CERS6: variants seen among roughly 807,000 people sequenced by gnomAD.
CERS6 encodes LAG1 homolog, ceramide synthase 6.
Under a neutral mutation model 56.8 loss-of-function variants are expected in CERS6, and 26 were observed. That is an observed-to-expected ratio of 0.46 (90% confidence interval 0.34 to 0.63). The LOEUF (loss-of-function observed/expected upper bound fraction) is 0.63, where lower values mean the gene tolerates loss of function less well. CERS6 is among the 30% of genes least tolerant of loss of function. The probability of loss-of-function intolerance (pLI) is 0.01; values close to 1 mark genes in which losing one functional copy is unlikely to be tolerated. For missense variants in CERS6, 415 were observed against 467.5 expected (o/e 0.89, Z 1.04); for synonymous variants, 164 against 173.3 (o/e 0.95, Z 0.42).
chr2:168,512,434 A>T (rs1694804989), intron 1 of CERS6, among the ~76,000 whole-genome samples: 1 of 152,032 alleles, frequency 6.6e-6, no homozygotes, highest in African/African-American at 2.4e-5. Context: ...TTTTAAAACC[A>T]CTTCATCATC....
rs1683702542 is a variant in CERS6 at position 168,735,907 on chromosome 2, G to GAA, written c.845+17931_845+17932dup. 2.8e-5 allele frequency among the ~76,000 whole-genome samples: 4 copies of GAA among 144,644 alleles called. No homozygotes were observed. The South Asian group carries it at 8.9e-4, about 32-fold the overall frequency. The allele number at this position is 144,644 out of a possible 152,430, so 94.9% of individuals were successfully genotyped here. A position where few individuals can be genotyped will look rare whatever the true frequency, so the allele number is the denominator to read the frequency against. ...AAAAAAAAAAAAAAAAAGAAAGAAA[G>GAA]AAATATTTTTCTAGGCAGCTGAGTG... On this transcript the variant is annotated intron_variant, in intron 8 of 9. Coordinates refer to ENST00000305747, the MANE Select transcript of CERS6 (RefSeq NM_203463.3).
intron 1 of CERS6, among the ~76,000 whole-genome samples, chr2:168,530,458 C>T (rs531587333): frequency 7.2e-5 from 11 of 152,252 alleles, no homozygotes; most frequent in African/African-American, 2.4e-4. Context: ...AAGACTTTCT[C>T]GACAAGGGTA....
intron 1 of CERS6, 65 bp from the exon 2 acceptor site, chr2:168,547,531 G>T: frequency 1.2e-6 from 1 of 828,434 alleles, no homozygotes; most frequent in Non-Finnish European, 1.9e-6. Flanking sequence ...GTAACTGGTG[G>T]CATTAAGAAT....
At chr2:168,509,183 T>G (rs1694733450) in intron 1 of CERS6, among the ~76,000 whole-genome samples, 1 of 152,220 alleles carries the variant, frequency 6.6e-6, no homozygotes, top group Non-Finnish European at 1.5e-5. Context: ...GACCAAATAC[T>G]CCATTTATTG....
chr2:168,576,629 A>G (rs950366008), intron 3 of CERS6, among the ~76,000 whole-genome samples: 4 of 152,220 alleles, frequency 2.6e-5, no homozygotes, highest in African/African-American at 9.6e-5. Context: ...GAAGAATAGT[A>G]TAAAGAAATC....
At chr2:168,593,074 G>A (rs1370210782) in intron 3 of CERS6, among the ~76,000 whole-genome samples, 1 of 152,124 alleles carries the variant, frequency 6.6e-6, no homozygotes, top group African/African-American at 2.4e-5. Flanking sequence ...TTGAAAGCTA[G>A]CAGCATAACA....
intron 3 of CERS6, among the ~76,000 whole-genome samples, chr2:168,614,593 C>G (rs1684270522): frequency 1.3e-5 from 2 of 152,102 alleles, no homozygotes; most frequent in Admixed American, 6.5e-5. Flanking sequence ...CCTGTAATTG[C>G]TGGCTTTCCC....
chr2:168,677,169 T>C (rs1255744155), intron 4 of CERS6, among the ~76,000 whole-genome samples: 3 of 151,952 alleles, frequency 2.0e-5, no homozygotes, highest in African/African-American at 7.3e-5. Flanking sequence ...TCCCTCCCCT[T>C]CTCCCCCACC....
At chr2:168,679,740 C>T (rs1163115850) in intron 4 of CERS6, among the ~76,000 whole-genome samples, 1 of 152,150 alleles carries the variant, frequency 6.6e-6, no homozygotes, top group Non-Finnish European at 1.5e-5. Flanking sequence ...ATGAGGTTTA[C>T]GATGAGCATC....
intron 8 of CERS6, among the ~76,000 whole-genome samples, chr2:168,755,952 A>G (rs1335602530): frequency 6.6e-6 from 1 of 152,196 alleles, no homozygotes; most frequent in African/African-American, 2.4e-5. Flanking sequence ...AAAACATACC[A>G]TTGAAATCTC....
At chr2:168,660,847 TG>T (rs1371258008) in intron 4 of CERS6, among the ~76,000 whole-genome samples, 1 of 152,232 alleles carries the variant, frequency 6.6e-6, no homozygotes. Context: ...AGAAAATATT[TG>T]GCCCAGAAGC....
In CERS6 at chr2:168,639,681, G is replaced by A. The variant is rs551058169; in HGVS notation, c.465+8639G>A. On this transcript the variant is annotated intron_variant, in intron 4 of 9. Coordinates refer to ENST00000305747, the MANE Select transcript of CERS6 (RefSeq NM_203463.3). ...TCTTGTCTGGGTGTGTTTGGGATGG[G>A]GGTGGGGTGCTTAGGACAAGTACTT... Among the ~76,000 whole-genome samples the A allele has an allele frequency of 1.2e-4, 19 of 152,080 alleles. 1 individual carries two copies. The highest frequency in any genetic ancestry group is 1.2e-3 in the Admixed American group (18 of 15,270).
In CERS6 at chr2:168,630,960, C is replaced by CA. The variant is rs770152217; in HGVS notation, c.408-24dup. The CA allele has an allele frequency of 9.6e-6, 12 of 1,246,810 alleles. No homozygotes were observed. In the East Asian group the frequency reaches 3.0e-4, roughly 31 times the overall value. The allele number at this position is 1,246,810 out of a possible 1,614,324, so 77.2% of individuals were successfully genotyped here. A position where few individuals can be genotyped will look rare whatever the true frequency, so the allele number is the denominator to read the frequency against. On this transcript the variant is annotated intron_variant, in intron 3 of 9. Transcript: ENST00000305747. ...CTGTGAATATATAAACTGAATGTCA[C>CA]AGATTTTTTTTTAACCTTCTACAGG...
chr2:168,630,301 TACAC>T (rs3066962), intron 3 of CERS6, among the ~76,000 whole-genome samples: 98,349 of 139,950 alleles, frequency 0.7, 33,377 homozygotes, highest in Non-Finnish European at 0.78. Flanking sequence ...GTAATAAGTA[TACAC>T]ACACACACAC....
chr2:168,537,780 C>T (rs1320172016), intron 1 of CERS6, among the ~76,000 whole-genome samples: 1 of 152,126 alleles, frequency 6.6e-6, no homozygotes. Context: ...AATTTCTATC[C>T]CTTGCCCAAG....
chr2:168,553,313 A>C (rs575424899), intron 2 of CERS6, among the ~76,000 whole-genome samples: 3 of 152,338 alleles, frequency 2.0e-5, no homozygotes, highest in Middle Eastern at 6.8e-3. Context: ...AACTTCTGAG[A>C]TATAATTCAA....
chr2:168,668,235 C>G (rs1361565646), intron 4 of CERS6, among the ~76,000 whole-genome samples: 2 of 152,152 alleles, frequency 1.3e-5, no homozygotes, highest in Non-Finnish European at 2.9e-5. Flanking sequence ...CAAACTCATT[C>G]TCTTTCCTAA....
intron 6 of CERS6, among the ~76,000 whole-genome samples, chr2:168,698,255 G>GAAAAAAAAAAAAAAAA (rs869056813): frequency 3.3e-4 from 6 of 17,946 alleles, no homozygotes; most frequent in South Asian, 4.1e-3. Flanking sequence ...AAAAAAAAAA[G>GAAAAAAAAAAAAAAAA]AAAAAAAAAA....
At chr2:168,609,536 C>T (rs1684133418) in intron 3 of CERS6, among the ~76,000 whole-genome samples, 2 of 152,152 alleles carry the variant, frequency 1.3e-5, no homozygotes, top group Admixed American at 6.5e-5. Context: ...CCAGAAAGGG[C>T]CTGGTCACCC....
Sources: allele counts gnomAD v4.1 joint callset (sites outside exome capture counted in the v4.1 genomes callset), GRCh38; gene constraint gnomAD v4.1.1; transcripts MANE v1.5; gene names NCBI Gene and HGNC (gene_info 2026-07-23, HGNC 2026-07-21).